The following DZANK1 variants were observed in gnomAD, a reference collection of about 807,000 sequenced individuals.
DZANK1 encodes double zinc ribbon and ankyrin repeat-containing protein 1.
In DZANK1, 91 loss-of-function variants were observed where a neutral mutation model predicts 94.5. The observed-to-expected ratio is 0.96, with a 90% CI of 0.81 to 1.15. The LOEUF (loss-of-function observed/expected upper bound fraction) is 1.15, where lower values mean the gene tolerates loss of function less well. Ranked by LOEUF, DZANK1 falls within the 50% of genes most tolerant of loss-of-function variation. DZANK1 has a pLI of 0.00. For synonymous variants in DZANK1, 312 were observed against 325.3 expected (o/e 0.96, Z 0.44); for missense variants, 903 against 916.4 (o/e 0.99, Z 0.19).
rs114167778 is a variant in DZANK1 at position 18,443,701 on chromosome 20, A to G, written c.630-237T>C. On this transcript the variant is annotated intron_variant, in intron 7 of 20. Coordinates refer to ENST00000262547, the Ensembl canonical transcript of DZANK1. ...CCCTTTCTGCGTAGGCCAAGTCCAT[A>G]TAACTTCTTGATCATGGCAAGAAGT... Among the ~76,000 whole-genome samples, 815 of 152,294 alleles carry G rather than the reference A, an allele frequency of 5.4e-3. 11 individuals carry two copies. The highest frequency in any genetic ancestry group is 0.018 in the African/African-American group (763 of 41,552).
At chr20:18,433,030 A>G (rs1568969173) in intron 9 of DZANK1, 3 of 152,380 alleles carry the variant, frequency 2.0e-5, no homozygotes, top group African/African-American at 7.2e-5. Context: ...GGACAAAATT[A>G]TAAATCAACA....
chr20:18,394,432 C>T (rs1279567338), intron 15 of DZANK1, 82 bp from the exon 16 acceptor site: 1 of 1,331,620 alleles, frequency 7.5e-7, no homozygotes, highest in Non-Finnish European at 1.1e-6. Context: ...TTCTAACCTG[C>T]TCCTCCTTAT....
intron 14 of DZANK1, among the ~76,000 whole-genome samples, chr20:18,397,947 C>T (rs935294603): frequency 6.6e-6 from 1 of 152,184 alleles, no homozygotes; most frequent in Non-Finnish European, 1.5e-5. Flanking sequence ...CATGGCATCA[C>T]TTCCATCATA....
At chr20:18,410,070 GCAAAGCTTCATTGGGCTTAGGAAATAATC>G (rs1377510120) in intron 13 of DZANK1, among the ~76,000 whole-genome samples, 1 of 147,964 alleles carries the variant, frequency 6.8e-6, no homozygotes, top group Non-Finnish European at 1.5e-5. Flanking sequence ...GTGAGTAAGA[GCAAAGCTTCATTGGGCTTAGGAAATAATC>G]CAAAGGAATA....
chr20:18,439,089 T>C (rs1331762687), intron 8 of DZANK1, among the ~76,000 whole-genome samples: 2 of 152,194 alleles, frequency 1.3e-5, no homozygotes, highest in Non-Finnish European at 2.9e-5. Context: ...TAAGGTTCCA[T>C]CTATCACCTG....
intron 17 of DZANK1, 99 bp from the exon 18 acceptor site, chr20:18,390,558 G>GTGAC: frequency 9.1e-7 from 1 of 1,100,494 alleles, no homozygotes; most frequent in Non-Finnish European, 1.4e-6. Context: ...ACAAGGACAG[G>GTGAC]TGACTATGAG....
chr20:18,401,153 T>C (rs2056657116), intron 13 of DZANK1, among the ~76,000 whole-genome samples: 1 of 152,138 alleles, frequency 6.6e-6, no homozygotes, highest in Non-Finnish European at 1.5e-5. Context: ...GCCAGGCTGG[T>C]CTCAAACTCC....
exon 13 of DZANK1, chr20:18,412,801 C>T (rs1354149655): frequency 6.2e-7 from 1 of 1,613,770 alleles, no homozygotes; most frequent in African/African-American, 1.3e-5. Flanking sequence ...CCTCTTAGTC[C>T]CAACATCAGA....
At chr20:18,400,183 A>T (rs2056595303) in intron 13 of DZANK1, among the ~76,000 whole-genome samples, 1 of 152,196 alleles carries the variant, frequency 6.6e-6, no homozygotes, top group Non-Finnish European at 1.5e-5. Flanking sequence ...CCTGAGATAA[A>T]GACTTAGGAC....
intron 10 of DZANK1, among the ~76,000 whole-genome samples, chr20:18,421,657 A>G (rs2057783058): frequency 6.6e-6 from 1 of 152,214 alleles, no homozygotes; most frequent in African/African-American, 2.4e-5. Flanking sequence ...GACATCCTGC[A>G]CTTATTCCAA....
chr20:18,452,469 T>C, intron 6 of DZANK1, 146 bp downstream of exon 6: 4 of 927,124 alleles, frequency 4.3e-6, no homozygotes, highest in Non-Finnish European at 6.2e-6. Context: ...ACAGGGACTT[T>C]TCTTGTCCAG....
At chr20:18,424,847 T>C (rs1412538565) in intron 10 of DZANK1, among the ~76,000 whole-genome samples, 1 of 151,866 alleles carries the variant, frequency 6.6e-6, no homozygotes, top group Admixed American at 6.6e-5. Flanking sequence ...TACTGAGGAA[T>C]AGTACTCAAC....
chr20:18,388,983 C>A (rs1194930703), intron 19 of DZANK1, among the ~76,000 whole-genome samples: 1 of 152,120 alleles, frequency 6.6e-6, no homozygotes, highest in African/African-American at 2.4e-5. Flanking sequence ...GTGTTAGATG[C>A]CTGTGATGTC....
In DZANK1 at chr20:18,439,137, G is replaced by A. The variant is rs74369802; in HGVS notation, c.747+4210C>T. 4.7e-3 allele frequency among the ~76,000 whole-genome samples: 720 copies of A among 152,296 alleles called. 8 individuals are homozygous for A. Among genetic ancestry groups the A allele is most frequent in the African/African-American group, 0.017 (691 of 41,556 alleles). On this transcript the variant is annotated intron_variant, in intron 8 of 20. Transcript: ENST00000262547. Reference sequence around the variant, plus strand: ...CCCAGCTTTACTGGGGGACCACAGTGGTGTTCTGAATCTCTAAGAATTAGC... The same window carrying A: ...CCCAGCTTTACTGGGGGACCACAGTAGTGTTCTGAATCTCTAAGAATTAGC...
At chr20:18,411,149 G>A (rs73601817) in intron 13 of DZANK1, among the ~76,000 whole-genome samples, 62 of 152,144 alleles carry the variant, frequency 4.1e-4, no homozygotes, top group African/African-American at 1.5e-3. Flanking sequence ...AAATCATGAT[G>A]AGAGTGGAAT....
At chr20:18,397,720 A>T (rs534618010) in intron 14 of DZANK1, among the ~76,000 whole-genome samples, 2 of 152,242 alleles carry the variant, frequency 1.3e-5, no homozygotes, top group Non-Finnish European at 2.9e-5. Flanking sequence ...AGGTGGTTGG[A>T]TGTCTGGGGG....
At chr20:18,452,959 CATTCTACAAT>C (rs943703542) in intron 5 of DZANK1, among the ~76,000 whole-genome samples, 1 of 152,200 alleles carries the variant, frequency 6.6e-6, no homozygotes, top group African/African-American at 2.4e-5. Context: ...TTCCCCGCTG[CATTCTACAAT>C]ATTCCACTTC....
At chr20:18,438,200 CAG>C (rs1293740103) in intron 8 of DZANK1, among the ~76,000 whole-genome samples, 1 of 103,982 alleles carries the variant, frequency 9.6e-6, no homozygotes, top group African/African-American at 3.9e-5. Flanking sequence ...GCCTGGGTGA[CAG>C]AGTGAGACTC....
At chr20:18,434,009 G>A in intron 8 of DZANK1, 1 of 442,824 alleles carries the variant, frequency 2.3e-6, no homozygotes, top group South Asian at 3.7e-5. Context: ...ACTCTGATTT[G>A]ACCACTACAC....
Sources: allele counts gnomAD v4.1 joint callset (sites outside exome capture counted in the v4.1 genomes callset), GRCh38; gene constraint gnomAD v4.1.1; transcripts MANE v1.5; gene names NCBI Gene and HGNC (gene_info 2026-07-23, HGNC 2026-07-21).